Variants in TRMO observed in about 807,000 individuals in gnomAD.
The protein encoded by TRMO is tRNA methyltransferase O.
Under a neutral mutation model 37.2 loss-of-function variants are expected in TRMO, and 30 were observed. That is an observed-to-expected ratio of 0.81 (90% CI 0.60 to 1.09). TRMO has a LOEUF of 1.09. Among genes scored for constraint, TRMO ranks in the 50% least tolerant of loss-of-function variants. TRMO has a pLI of 0.00. For missense variants in TRMO, 552 were observed against 549.5 expected, an observed-to-expected ratio of 1.00 and a Z score of -0.05; for synonymous variants, 239 against 199.4, an observed-to-expected ratio of 1.20 and a Z score of -1.67.
chr9:97,912,090 A>G (rs1826150726), intron 3 of TRMO: 1 of 152,248 alleles, frequency 6.6e-6, no homozygotes, highest in Admixed American at 6.5e-5. Flanking sequence ...ATCTAATCTT[A>G]AAGAGCCCTA....
At chr9:97,910,896 A>G (rs1210547500) in intron 3 of TRMO, 1 of 567,474 alleles carries the variant, frequency 1.8e-6, no homozygotes, top group Admixed American at 2.5e-5. Context: ...TACAGTCCCC[A>G]TAGAGAAGCC....
Position 97,904,508 on chromosome 9 carries a change from T to C in TRMO, c.*225A>G, listed in dbSNP as rs1825771420. The C allele has an allele frequency of 1.5e-6, 2 of 1,359,348 alleles. No individual in the cohort carries two copies. Among genetic ancestry groups the C allele is most frequent in the South Asian group, 1.9e-5 (1 of 53,852 alleles). 84.2% of individuals were successfully genotyped at this position (1,359,348 alleles called of 1,614,324 possible). On this transcript the variant is annotated 3_prime_UTR_variant, in exon 5 of 5. Coordinates refer to ENST00000375119, the MANE Select transcript of TRMO (RefSeq NM_016481.5). ...ACAGCATCACCTTTTGATTCTTTAA[T>C]ATCAACAGATCAAAAAGCATTTGGT...
intron 4 of TRMO, among the ~76,000 whole-genome samples, chr9:97,906,779 T>C (rs1044144773): frequency 5.3e-5 from 8 of 150,306 alleles, no homozygotes; most frequent in Admixed American, 2.0e-4. Flanking sequence ...GAGGAGGCGG[T>C]TGCGGTGAGC....
At chr9:97,908,321 T>A (rs1040496979) in intron 4 of TRMO, among the ~76,000 whole-genome samples, 84 of 145,040 alleles carry the variant, frequency 5.8e-4, no homozygotes, top group South Asian at 1.3e-3. Context: ...CGGAGGCAGG[T>A]GAATGGTGTG....
chr9:97,917,862 T>G (rs1422664988), intron 1 of TRMO, among the ~76,000 whole-genome samples: 1 of 148,900 alleles, frequency 6.7e-6, no homozygotes, highest in African/African-American at 2.5e-5. Flanking sequence ...TTTTTTTTTT[T>G]GTAGAGAAGG....
chr9:97,911,683 A>C (rs1826131664), intron 3 of TRMO: 1 of 152,220 alleles, frequency 6.6e-6, no homozygotes, highest in Admixed American at 6.5e-5. Flanking sequence ...TACATCCATC[A>C]AGACTCAAAA....
chr9:97,922,455 C>T lies in TRMO; in HGVS notation c.39G>A (p.Ala13=), dbSNP rs369881999. Residue 13 remains alanine, a synonymous_variant, in exon 1 of 5, where the codon GCG becomes GCA. Coordinates refer to ENST00000375119, the MANE Select transcript of TRMO (RefSeq NM_016481.5). The stretch of plus-strand genomic sequence containing the variant: ...CCGGCTTAACGCAGCCGCACGGGGT[C>T]GCTGTAGGCCGAGGCCCCGACTCCT... The part of the protein sequence containing the change: ...GLEESGPRPT[A]TPCGCVKPAL... The T allele has an allele frequency of 3.1e-6, 5 of 1,588,054 alleles. No individual in the cohort carries two copies. Among genetic ancestry groups the T allele is most frequent in the Non-Finnish European group, 3.4e-6 (4 of 1,168,232 alleles).
chr9:97,910,000 A>T lies in TRMO; in HGVS notation c.1026T>A (p.Thr342=). The part of the protein sequence containing the change: ...APVATLEVRF[T]PHAEMDLGQL... ...GCCCAAGGTCCATCTCGGCATGAGGAGTAAACCGCACTTCTAAAGTGGCCA... is the reference window on the plus strand; with the variant it reads ...GCCCAAGGTCCATCTCGGCATGAGGTGTAAACCGCACTTCTAAAGTGGCCA... The change falls in exon 4 of 5, where the codon ACT becomes ACA. Residue 342 remains threonine, a synonymous_variant. Coordinates refer to ENST00000375119, the MANE Select transcript of TRMO (RefSeq NM_016481.5). 1 of 1,580,648 alleles carries T rather than the reference A, an allele frequency of 6.3e-7. No individual in the cohort carries two copies.
intron 4 of TRMO, among the ~76,000 whole-genome samples, chr9:97,909,481 G>A (rs529256125): frequency 6.6e-6 from 1 of 152,336 alleles, no homozygotes; most frequent in South Asian, 2.1e-4. Context: ...TCTGTGCTAA[G>A]AGACTCTTCC....
At chr9:97,903,723 T>A (rs191844027), downstream of TRMO, among the ~76,000 whole-genome samples, 1,139 of 152,318 alleles carry the variant, frequency 7.5e-3, 57 homozygotes, top group Admixed American at 0.071. Flanking sequence ...AAGAACTACA[T>A]CTTGTCATCT....
rs752419731 is a variant in TRMO at position 97,904,695 on chromosome 9, G to A, written c.*38C>T. The A allele has an allele frequency of 1.2e-5, 19 of 1,601,814 alleles. No homozygotes were observed. Among genetic ancestry groups the A allele is most frequent in the Non-Finnish European group, 1.5e-5 (18 of 1,173,998 alleles). ...AGAAAATCCAAAAGCCACATCCAAA[G>A]ATCAATGATGCTACCTTAAAGACAT... On this transcript the variant is annotated 3_prime_UTR_variant, in exon 5 of 5. Transcript: ENST00000375119.
At chr9:97,898,653 G>C in the TRMO span, among the ~76,000 whole-genome samples, 1 of 151,880 alleles carries the variant, frequency 6.6e-6, no homozygotes, top group Non-Finnish European at 1.5e-5. Context: ...AGCCCAAAGT[G>C]CTAGGATTAC....
intron 4 of TRMO, among the ~76,000 whole-genome samples, chr9:97,906,837 G>C (rs1283233483): frequency 1.4e-5 from 1 of 71,908 alleles, no homozygotes; most frequent in Admixed American, 1.6e-4. Context: ...GTAAGACTCC[G>C]TCTCAAAAAA....
chr9:97,905,668 A>T (rs1178494247), intron 4 of TRMO, among the ~76,000 whole-genome samples: 2 of 152,246 alleles, frequency 1.3e-5, no homozygotes, highest in African/African-American at 2.4e-5. Context: ...CATCACATAC[A>T]TCCAAATGCC....
At chr9:97,909,726 C>G (rs939941971) in intron 4 of TRMO, among the ~76,000 whole-genome samples, 7 of 152,214 alleles carry the variant, frequency 4.6e-5, no homozygotes, top group Admixed American at 2.0e-4. Context: ...TGTGAGGCAG[C>G]AGCCACTCTC....
intron 3 of TRMO, chr9:97,912,896 T>A (rs1200239958): frequency 7.7e-7 from 1 of 1,302,104 alleles, no homozygotes; most frequent in South Asian, 1.2e-5. Flanking sequence ...GTCCTTGTAG[T>A]GTGATTCATC....
intron 4 of TRMO, among the ~76,000 whole-genome samples, chr9:97,906,813 GCCTGGGTGACAGAGTAAGACT>G (rs1346953445): frequency 7.0e-6 from 1 of 143,670 alleles, no homozygotes; most frequent in Non-Finnish European, 1.5e-5. Flanking sequence ...CTACACTCCA[GCCTGGGTGACAGAGTAAGACT>G]CCGTCTCAAA....
chr9:97,908,293 T>C (rs913175624), intron 4 of TRMO, among the ~76,000 whole-genome samples: 16 of 151,160 alleles, frequency 1.1e-4, no homozygotes, highest in Middle Eastern at 3.4e-3. Flanking sequence ...GCGCCTGTAG[T>C]CCCAGCTACT....
At chr9:97,915,167 C>T (rs1034652067) in intron 2 of TRMO, among the ~76,000 whole-genome samples, 4 of 152,160 alleles carry the variant, frequency 2.6e-5, no homozygotes, top group Non-Finnish European at 5.9e-5. Context: ...AGAATGAACA[C>T]GGACAGAATT....
Sources: gnomAD v4.1 joint callset for allele counts (sites outside exome capture counted in the v4.1 genomes callset) on GRCh38, gnomAD v4.1.1 for gene constraint, MANE v1.5 for transcripts, NCBI Gene and HGNC (gene_info 2026-07-23, HGNC 2026-07-21) for gene names.